The following PCDHA2 variants were observed in gnomAD, a reference collection of about 807,000 sequenced individuals.
PCDHA2 encodes the protein protocadherin alpha 2.
In PCDHA2, 58 loss-of-function variants were observed where a neutral mutation model predicts 66.0. That is an observed-to-expected ratio of 0.88 (90% confidence interval 0.71 to 1.09). The LOEUF is 1.09. Among genes scored for constraint, PCDHA2 ranks in the 50% least tolerant of loss-of-function variants. PCDHA2 has a pLI of 0.00. For missense variants in PCDHA2, 1,267 were observed against 1,242.3 expected (o/e 1.02, Z -0.30); for synonymous variants, 634 against 554.0 (o/e 1.14, Z -2.03).
intron 1 of PCDHA2, among the ~76,000 whole-genome samples, chr5:140,905,962 G>A (rs2072248192): frequency 6.6e-6 from 1 of 152,198 alleles, no homozygotes; most frequent in Non-Finnish European, 1.5e-5. Flanking sequence ...TTCAAGGGGA[G>A]GAAGATCCAG....
intron 2 of PCDHA2, chr5:140,982,259 G>A (rs2153828072): frequency 2.4e-6 from 2 of 820,856 alleles, no homozygotes; most frequent in South Asian, 4.9e-5. Context: ...GAACATGTGT[G>A]TTCCTGGAAT....
intron 3 of PCDHA2, among the ~76,000 whole-genome samples, chr5:140,989,886 C>T (rs954644773): frequency 1.3e-5 from 2 of 151,784 alleles, no homozygotes. Flanking sequence ...CACTTGGAGT[C>T]TCCGTTATTC....
chr5:140,828,092 A>G (rs2150150860), intron 1 of PCDHA2: 2 of 1,598,744 alleles, frequency 1.3e-6, no homozygotes, highest in East Asian at 2.2e-5. Context: ...GGTATTTGAC[A>G]TGGTGTTTAC....
chr5:140,995,529 C>G (rs1191657600), intron 3 of PCDHA2, among the ~76,000 whole-genome samples: 1 of 152,078 alleles, frequency 6.6e-6, no homozygotes, highest in East Asian at 1.9e-4. Flanking sequence ...GAAATCAAAC[C>G]TCAAATAAGG....
chr5:140,830,266 G>T (rs2150183759), intron 1 of PCDHA2: 8 of 1,613,648 alleles, frequency 5.0e-6, no homozygotes, highest in Non-Finnish European at 6.8e-6. Context: ...GGTGCTCGGC[G>T]CCACCCACCG....
At chr5:140,935,796 G>A (rs2090564598) in intron 1 of PCDHA2, among the ~76,000 whole-genome samples, 2 of 150,224 alleles carry the variant, frequency 1.3e-5, no homozygotes, top group African/African-American at 2.5e-5. Flanking sequence ...AAATATAAAC[G>A]AGATTATTTC....
intron 3 of PCDHA2, among the ~76,000 whole-genome samples, chr5:140,999,693 A>AT (rs202183337): frequency 0.011 from 1,632 of 151,520 alleles, 13 homozygotes; most frequent in Middle Eastern, 0.058. Flanking sequence ...AAGAAATGTG[A>AT]TTTTTTTTTA....
At chr5:140,828,434 C>T in intron 1 of PCDHA2, 3 of 1,614,258 alleles carry the variant, frequency 1.9e-6, no homozygotes, top group South Asian at 2.2e-5. Context: ...CAGGCCGCTG[C>T]AGGTTTTCCA....
intron 1 of PCDHA2, chr5:140,929,005 A>G: frequency 6.2e-7 from 1 of 1,614,062 alleles, no homozygotes; most frequent in Non-Finnish European, 8.5e-7. Context: ...CTTCGTGTGT[A>G]CCAAGTTGCA....
chr5:140,981,626 T>A (rs1199717691), intron 2 of PCDHA2, among the ~76,000 whole-genome samples: 1 of 152,176 alleles, frequency 6.6e-6, no homozygotes, highest in Middle Eastern at 3.2e-3. Flanking sequence ...GAGGGTTTTC[T>A]TGGACATTTT....
At chr5:140,809,607 A>G (rs1554125314) in intron 1 of PCDHA2, 2 of 1,523,828 alleles carry the variant, frequency 1.3e-6, no homozygotes, top group Non-Finnish European at 1.8e-6. Context: ...TAATTTTCGT[A>G]TTGTTTTTCT....
At chr5:140,870,065 C>T (rs2051628168) in intron 1 of PCDHA2, 2 of 1,613,794 alleles carry the variant, frequency 1.2e-6, no homozygotes, top group Non-Finnish European at 1.7e-6. Flanking sequence ...GAAGTACAGG[C>T]TACAGATAAG....
chr5:140,822,016 G>A (rs1193134042), intron 1 of PCDHA2: 1 of 1,614,196 alleles, frequency 6.2e-7, no homozygotes, highest in Non-Finnish European at 8.5e-7. Flanking sequence ...TCTGCAGAAT[G>A]GCATTTTGTT....
intron 1 of PCDHA2, among the ~76,000 whole-genome samples, chr5:140,960,167 CTTAAG>C (rs1291277794): frequency 1.3e-5 from 2 of 152,052 alleles, no homozygotes; most frequent in Non-Finnish European, 2.9e-5. Context: ...TAATACAATT[CTTAAG>C]TTAGGGGTTG....
chr5:140,834,291 G>A, intron 1 of PCDHA2: 1 of 1,201,540 alleles, frequency 8.3e-7, no homozygotes, highest in Non-Finnish European at 1.2e-6. Context: ...CACAACAATG[G>A]CCACACATCG....
At chr5:140,944,378 A>G (rs1204116678) in intron 1 of PCDHA2, among the ~76,000 whole-genome samples, 1 of 151,884 alleles carries the variant, frequency 6.6e-6, no homozygotes, top group Admixed American at 6.6e-5. Flanking sequence ...ATAGAGATGG[A>G]GTCTCACTGT....
chr5:140,804,384 G>A (rs1763385870), intron 1 of PCDHA2: 1 of 151,792 alleles, frequency 6.6e-6, no homozygotes, highest in East Asian at 1.9e-4. Flanking sequence ...TCAATATGAA[G>A]TGAAAATTTA....
rs2150122693 is a variant in PCDHA2, at chr5:140,823,137, C to T, written c.2388+25785C>T. Reference sequence around the variant, plus strand: ...ACGTGAACGACAACGCTCCGGCGTTCGCGCAGCCCCAGTATACCGTGTTCG... The same window carrying T: ...ACGTGAACGACAACGCTCCGGCGTTTGCGCAGCCCCAGTATACCGTGTTCG... On this transcript the variant is annotated intron_variant, in intron 1 of 3. Coordinates refer to ENST00000526136, the MANE Select transcript of PCDHA2 (RefSeq NM_018905.3). 50 of 1,613,704 alleles carry T rather than the reference C, an allele frequency of 3.1e-5. 1 individual carries two copies. The South Asian group carries it at 4.9e-4, about 16-fold the overall frequency.
chr5:140,907,690 G>C (rs761914004), intron 1 of PCDHA2, among the ~76,000 whole-genome samples: 1 of 152,196 alleles, frequency 6.6e-6, no homozygotes, highest in African/African-American at 2.4e-5. Context: ...TTGGTGAGTG[G>C]AAGTCCCTGT....
Sources: gnomAD v4.1 joint callset for allele counts (sites outside exome capture counted in the v4.1 genomes callset) on GRCh38, gnomAD v4.1.1 for gene constraint, MANE v1.5 for transcripts, NCBI Gene and HGNC (gene_info 2026-07-23, HGNC 2026-07-21) for gene names.